Variants in RPS5 observed in about 807,000 individuals in gnomAD.
RPS5 encodes small ribosomal subunit protein uS7.
RPS5 carries 2 observed loss-of-function variants against 20.9 expected under a neutral mutation model. That is an observed-to-expected ratio of 0.10 (90% CI 0.04 to 0.30). The LOEUF is 0.30. Ranked by LOEUF, RPS5 falls within the 10% of genes least tolerant of loss-of-function variation. The pLI is 1.00. For missense variants in RPS5, 122 were observed against 287.2 expected (o/e 0.42, Z 4.16); for synonymous variants, 112 against 105.8 (o/e 1.06, Z -0.36).
intron 2 of RPS5, among the ~76,000 whole-genome samples, chr19:58,389,860 C>CACCATGTTGGTTAGGCTGGTCTCGAAT (rs2052351989): frequency 1.3e-5 from 2 of 151,148 alleles, no homozygotes; most frequent in African/African-American, 4.9e-5. Flanking sequence ...TGGTCTCGAA[C>CACCATGTTGGTTAGGCTGGTCTCGAAT]TCCTGACCTC....
chr19:58,394,234 G>A (rs1188959267), intron 4 of RPS5: 11 of 455,040 alleles, frequency 2.4e-5, no homozygotes, highest in South Asian at 1.2e-4. Flanking sequence ...GCAAGCCACC[G>A]TGCCCGGCCG....
intron 4 of RPS5, chr19:58,394,258 T>A (rs1216423471): frequency 1.9e-6 from 1 of 533,438 alleles, no homozygotes; most frequent in African/African-American, 1.9e-5. Context: ...AGCAGTTTGC[T>A]GTTGAGGCAG....
intron 2 of RPS5, among the ~76,000 whole-genome samples, chr19:58,391,454 T>TAAAAAAAA (rs2052363230): frequency 9.6e-6 from 1 of 104,016 alleles, no homozygotes; most frequent in African/African-American, 5.1e-5. Context: ...AAAAAAAAAC[T>TAAAAAAAA]GGGCTGAGCA....
In RPS5 at chr19:58,388,309, A is replaced by G. The variant is rs144801384; in HGVS notation, c.108+64A>G. On this transcript the variant is annotated intron_variant, in intron 2 of 5. Transcript: ENST00000196551. Reference sequence around the variant, plus strand: ...CGGACATTATTCCAGGAAGGCACACATCAAACTTGTTGCTGTGCCATTAAG... The same window carrying G: ...CGGACATTATTCCAGGAAGGCACACGTCAAACTTGTTGCTGTGCCATTAAG... 1.4e-4 allele frequency: 160 copies of G among 1,146,338 alleles called. No individual in the cohort carries two copies. In the East Asian group the frequency reaches 3.9e-3, roughly 28 times the overall value. 71.0% of individuals were successfully genotyped at this position (1,146,338 alleles called of 1,614,324 possible). A position where few individuals can be genotyped will look rare whatever the true frequency, so the allele number is the denominator to read the frequency against.
chr19:58,391,271 A>G (rs1857948693), intron 2 of RPS5, among the ~76,000 whole-genome samples: 1 of 151,868 alleles, frequency 6.6e-6, no homozygotes, highest in African/African-American at 2.4e-5. Flanking sequence ...GTCTCTACTA[A>G]AAATACAAAA....
At chr19:58,390,280 G>C (rs1390785518) in intron 2 of RPS5, among the ~76,000 whole-genome samples, 1 of 148,374 alleles carries the variant, frequency 6.7e-6, no homozygotes, top group African/African-American at 2.5e-5. Flanking sequence ...TGCAACCTCT[G>C]CCTCCCCAGG....
chr19:58,392,544 G>A (rs908206106), intron 2 of RPS5, among the ~76,000 whole-genome samples: 2 of 151,494 alleles, frequency 1.3e-5, no homozygotes, highest in South Asian at 4.1e-4. Context: ...AGAACCATTT[G>A]AACCTCGGAG....
intron 2 of RPS5, chr19:58,388,627 C>T (rs981960283): frequency 3.8e-5 from 13 of 345,442 alleles, no homozygotes; most frequent in African/African-American, 2.6e-4. Context: ...CATAAATCAG[C>T]TGGCCGTAGT....
intron 1 of RPS5, 38 bp from the exon 2 acceptor site, chr19:58,388,099 A>G (rs1529958): frequency 0.43 from 612,365 of 1,432,672 alleles, 135,061 homozygotes; most frequent in African/African-American, 0.68. Flanking sequence ...ATGCTAGCTG[A>G]GCTCTGACGT....
Position 58,394,613 on chromosome 19 carries a change from G to A in RPS5, c.546+18G>A, listed in dbSNP as rs529675506. 11 of 1,613,818 alleles carry A rather than the reference G, an allele frequency of 6.8e-6. No homozygotes were observed. Among genetic ancestry groups the A allele is most frequent in the Admixed American group, 3.3e-5 (2 of 60,016 alleles). The stretch of plus-strand genomic sequence containing the variant: ...CTGCCAAGGTGGGTGAGGGCACTCC[G>A]GTTGGGGGGTCTTAAGTTGGGCATT... On this transcript the variant is annotated intron_variant, in intron 5 of 5. Transcript: ENST00000196551.
At chr19:58,394,442 G>C in intron 4 of RPS5, 55 bp from the exon 5 acceptor site, 1 of 1,500,916 alleles carries the variant, frequency 6.7e-7, no homozygotes, top group Non-Finnish European at 9.3e-7. Flanking sequence ...AGTGGCCCCA[G>C]GGTGCTGGAG....
intron 2 of RPS5, among the ~76,000 whole-genome samples, chr19:58,390,040 A>G (rs1205024575): frequency 2.0e-5 from 3 of 151,452 alleles, no homozygotes; most frequent in Admixed American, 6.6e-5. Context: ...GATTACAGGC[A>G]CATGCCACCG....
rs1415379944 is a variant in RPS5, at chr19:58,393,482, A to G, written c.442A>G (p.Asn148Asp). ...AVDVSPLRRV[N>D]QAIWLLCTGA... ...GGATGTGTCCCCCCTGCGCCGTGTG[A>G]ACCAGGTGAGCCTGGGGCTTATGCA... Residue 148 changes from asparagine to aspartate, a missense_variant, in exon 4 of 6, where the codon AAC becomes GAC. By Grantham distance (23) the Asn-to-Asp change is conservative. This residue lies in a region of RPS5 where 24 missense variants were observed against 36.7 expected (regional missense o/e 0.65). Coordinates refer to ENST00000196551, the MANE Select transcript of RPS5 (RefSeq NM_001009.4). 2 of 1,610,948 alleles carry G rather than the reference A, an allele frequency of 1.2e-6. No homozygotes were observed. Among genetic ancestry groups the G allele is most frequent in the African/African-American group, 2.7e-5 (2 of 74,900 alleles).
chr19:58,392,846 A>T, intron 2 of RPS5, 130 bp from the exon 3 acceptor site: 1 of 778,228 alleles, frequency 1.3e-6, no homozygotes. Context: ...TCCCCTGTTG[A>T]GGCATACCAG....
rs200088071 is a variant in RPS5 at position 58,388,189 on chromosome 19, A to C, written c.52A>C (p.Lys18Gln). ...APAVAETPDI[K>Q]LFGKWSTDDV... is the part of the protein sequence containing the mutation. Reference sequence around the variant, plus strand: ...AGCGGTGGCAGAGACCCCAGACATCAAGCTCTTTGGGAAGTGGAGCACCGA... The same window carrying C: ...AGCGGTGGCAGAGACCCCAGACATCCAGCTCTTTGGGAAGTGGAGCACCGA... The change falls in exon 2 of 6, where the codon AAG becomes CAG. Residue 18 changes from lysine to glutamine, a missense_variant. Lys to Gln is a moderately conservative substitution (Grantham distance 53). This residue lies in a region of RPS5 where 22 missense variants were observed against 38.0 expected (regional missense o/e 0.58). Coordinates refer to ENST00000196551, the MANE Select transcript of RPS5 (RefSeq NM_001009.4). 1 of 1,613,332 alleles carries C rather than the reference A, an allele frequency of 6.2e-7. No homozygotes were observed. The highest frequency in any genetic ancestry group is 1.7e-5 in the Admixed American group (1 of 59,954).
chr19:58,391,922 TCAAAAAA>T (rs1283786065), intron 2 of RPS5, among the ~76,000 whole-genome samples: 3 of 152,168 alleles, frequency 2.0e-5, no homozygotes, highest in African/African-American at 4.8e-5. Flanking sequence ...AGACTCCATC[TCAAAAAA>T]CAAAAAACCA....
chr19:58,394,275 A>T (rs1405829605), intron 4 of RPS5: 20 of 554,812 alleles, frequency 3.6e-5, no homozygotes, highest in Middle Eastern at 4.8e-4. Context: ...GCAGGTCTCA[A>T]TCTCCTGTCA....
At chr19:58,390,027 G>T (rs7255491) in intron 2 of RPS5, among the ~76,000 whole-genome samples, 69,834 of 151,252 alleles carry the variant, frequency 0.46, 16,530 homozygotes, top group African/African-American at 0.56. Flanking sequence ...CCCAAGTAGC[G>T]GGGATTACAG....
chr19:58,394,092 C>T (rs2052381212), intron 4 of RPS5: 2 of 207,672 alleles, frequency 9.6e-6, no homozygotes, highest in Non-Finnish European at 2.0e-5. Flanking sequence ...TGAGCCACCA[C>T]ACCTGGCCGC....
Sources: allele counts gnomAD v4.1 joint callset (sites outside exome capture counted in the v4.1 genomes callset), GRCh38; gene constraint gnomAD v4.1.1; regional missense constraint gnomAD v4.1.1; transcripts MANE v1.5; gene names NCBI Gene and HGNC (gene_info 2026-07-23, HGNC 2026-07-21).